The following TENM3 variants were observed in gnomAD, a reference collection of about 807,000 sequenced individuals.
The protein encoded by TENM3 is teneurin transmembrane protein 3.
In TENM3, 63 loss-of-function variants were observed where a neutral mutation model predicts 255.1. The ratio of observed to expected loss-of-function variants is 0.25; its 90% CI spans 0.20 to 0.30. TENM3 has a LOEUF of 0.30. Among genes scored for constraint, TENM3 ranks in the 10% least tolerant of loss-of-function variants. The pLI, the probability that TENM3 is intolerant of heterozygous loss-of-function variation, is 1.00. For synonymous variants in TENM3, 1,306 were observed against 1,322.3 expected, an observed-to-expected ratio of 0.99 and a Z score of 0.27; for missense variants, 2,929 against 3,461.1, an observed-to-expected ratio of 0.85 and a Z score of 3.86.
At chr4:182,476,225 G>A (rs1314247872) in intron 3 of TENM3, among the ~76,000 whole-genome samples, 1 of 152,130 alleles carries the variant, frequency 6.6e-6, no homozygotes, top group East Asian at 1.9e-4. Flanking sequence ...ACCCATTTTA[G>A]TCTATAGCCA....
chr4:181,655,380 G>C, the TENM3 span, among the ~76,000 whole-genome samples: 1 of 152,182 alleles, frequency 6.6e-6, no homozygotes, highest in East Asian at 1.9e-4. Context: ...AAGATCATTA[G>C]CAGGGTTTTG....
intron 1 of TENM3, among the ~76,000 whole-genome samples, chr4:182,293,861 C>T (rs956052818): frequency 6.6e-5 from 10 of 152,128 alleles, no homozygotes; most frequent in East Asian, 5.8e-4. Flanking sequence ...TAAACTAATT[C>T]GCACTGAGGT....
chr4:182,080,821 G>A, the TENM3 span, among the ~76,000 whole-genome samples: 2 of 138,694 alleles, frequency 1.4e-5, no homozygotes, highest in East Asian at 2.2e-4. Flanking sequence ...GGGAGACCCC[G>A]CCTTTATAAA....
chr4:181,605,452 A>AAGAG, the TENM3 span, among the ~76,000 whole-genome samples: 263 of 100,544 alleles, frequency 2.6e-3, 13 homozygotes, highest in African/African-American at 9.4e-3. Context: ...AAAAGAAAGA[A>AAGAG]AGAGAGAGAG....
the TENM3 span, among the ~76,000 whole-genome samples, chr4:181,897,970 C>T: frequency 2.0e-5 from 3 of 152,162 alleles, no homozygotes; most frequent in Non-Finnish European, 2.9e-5. Flanking sequence ...AAACTGCCAT[C>T]GCATTAGAGC....
chr4:182,494,105 C>G (rs1356268619), intron 3 of TENM3, among the ~76,000 whole-genome samples: 1 of 151,666 alleles, frequency 6.6e-6, no homozygotes, highest in African/African-American at 2.4e-5. Context: ...CTATTTTTTG[C>G]CAAGTAAATG....
chr4:181,875,546 T>C, the TENM3 span, among the ~76,000 whole-genome samples: 10 of 152,162 alleles, frequency 6.6e-5, 1 homozygote, highest in South Asian at 1.9e-3. Context: ...ACACAAACCA[T>C]ACTTTTATTA....
chr4:182,639,822 T>G (rs1736849013), intron 5 of TENM3, among the ~76,000 whole-genome samples: 1 of 152,170 alleles, frequency 6.6e-6, no homozygotes, highest in South Asian at 2.1e-4. Context: ...CCGGGTGTGG[T>G]GGCTCACACC....
chr4:182,075,580 ACTT>A, the TENM3 span, among the ~76,000 whole-genome samples: 2 of 152,004 alleles, frequency 1.3e-5, no homozygotes, highest in East Asian at 3.9e-4. Context: ...CAACTCTCCA[ACTT>A]CTTCTGTCTT....
the TENM3 span, among the ~76,000 whole-genome samples, chr4:182,108,590 C>T: frequency 6.6e-5 from 10 of 152,196 alleles, no homozygotes; most frequent in African/African-American, 1.9e-4. Flanking sequence ...GAGACCTATT[C>T]CCTCCCTTCC....
At chr4:182,679,546 G>T (rs1370751339) in intron 7 of TENM3, 120 bp from the exon 8 acceptor site, 52 of 789,804 alleles carry the variant, frequency 6.6e-5, no homozygotes, top group Non-Finnish European at 8.3e-5. Context: ...GGACCTGTCA[G>T]GAACTTCTTT....
intron 1 of TENM3, among the ~76,000 whole-genome samples, chr4:182,258,517 C>A (rs1758576184): frequency 6.8e-6 from 1 of 147,564 alleles, no homozygotes; most frequent in African/African-American, 2.5e-5. Context: ...TGCAAGAAAG[C>A]CATTTTCCCT....
the TENM3 span, among the ~76,000 whole-genome samples, chr4:181,651,740 A>C: frequency 6.6e-6 from 1 of 152,142 alleles, no homozygotes; most frequent in Non-Finnish European, 1.5e-5. Flanking sequence ...TTTAAAACTA[A>C]TGGGATTATG....
chr4:182,169,341 A>G (rs1292349016), intron 1 of TENM3: 1 of 474,296 alleles, frequency 2.1e-6, no homozygotes, highest in Non-Finnish European at 4.4e-6. Flanking sequence ...TTGTAAAGAT[A>G]CTTTTCAACT....
the TENM3 span, among the ~76,000 whole-genome samples, chr4:182,062,844 G>C: frequency 2.0e-5 from 3 of 152,202 alleles, no homozygotes; most frequent in Non-Finnish European, 4.4e-5. Context: ...TTGTTAAACA[G>C]ACTATATCGA....
At chr4:182,439,975 G>C (rs931395702) in intron 3 of TENM3, among the ~76,000 whole-genome samples, 3 of 152,042 alleles carry the variant, frequency 2.0e-5, no homozygotes, top group Non-Finnish European at 4.4e-5. Context: ...TTCCAGCTTG[G>C]CTGGTTGCTG....
chr4:181,542,939 A>G, the TENM3 span, among the ~76,000 whole-genome samples: 1 of 152,126 alleles, frequency 6.6e-6, no homozygotes, highest in Non-Finnish European at 1.5e-5. Context: ...TTACTTACCC[A>G]TCGTATTATT....
chr4:182,362,236 T>C (rs535868663), intron 3 of TENM3, among the ~76,000 whole-genome samples: 1,616 of 152,194 alleles, frequency 0.011, 34 homozygotes, highest in African/African-American at 0.037. Context: ...GGAGAACCAC[T>C]GCTCTCTTCA....
At chr4:181,988,573 T>G in the TENM3 span, among the ~76,000 whole-genome samples, 2 of 152,128 alleles carry the variant, frequency 1.3e-5, no homozygotes, top group Non-Finnish European at 2.9e-5. Context: ...ATTAGTTGAA[T>G]GCAGACTAGG....
Sources: gnomAD v4.1 joint callset for allele counts (sites outside exome capture counted in the v4.1 genomes callset) on GRCh38, gnomAD v4.1.1 for gene constraint, MANE v1.5 for transcripts, NCBI Gene and HGNC (gene_info 2026-07-23, HGNC 2026-07-21) for gene names.